The following KIF13A variants were observed in gnomAD, a reference collection of about 807,000 sequenced individuals.
KIF13A encodes the protein kinesin-like protein KIF13A.
In KIF13A, 79 loss-of-function variants were observed where a neutral mutation model predicts 212.2. The ratio of observed to expected loss-of-function variants is 0.37; its 90% CI spans 0.31 to 0.45. The LOEUF is 0.45. KIF13A is among the 20% of genes least tolerant of loss of function. The pLI is 1.00. For missense variants in KIF13A, 1,901 were observed against 2,209.0 expected (o/e 0.86, Z 2.79); for synonymous variants, 789 against 808.6 (o/e 0.98, Z 0.41).
chr6:17,809,029 C>T lies in KIF13A; in HGVS notation c.2001-99G>A, dbSNP rs183756300. 1.9e-3 allele frequency: 2,171 copies of T among 1,120,024 alleles called. 6 individuals carry two copies. Among genetic ancestry groups the T allele is most frequent in the Non-Finnish European group, 2.0e-3 (1,661 of 812,640 alleles). 69.4% of individuals were successfully genotyped at this position (1,120,024 alleles called of 1,614,324 possible). On this transcript the variant is annotated intron_variant, in intron 17 of 38. Coordinates refer to ENST00000259711, the MANE Select transcript of KIF13A (RefSeq NM_022113.6). The surrounding 1 kb of genome is among the most constrained non-coding windows in gnomAD (Gnocchi z 4.7). ...TTAGAAAATGGGAGAAAACTCCTCT[C>T]GGGCAGTATTTTTCAAACTATTTTA...
chr6:17,935,517 T>C (rs963649819), intron 2 of KIF13A, among the ~76,000 whole-genome samples: 2 of 152,328 alleles, frequency 1.3e-5, no homozygotes, highest in East Asian at 1.9e-4. Flanking sequence ...ACTATTTTTC[T>C]ACAAGCAACC....
At chr6:17,954,169 C>T (rs1471620196) in intron 2 of KIF13A, among the ~76,000 whole-genome samples, 3 of 151,682 alleles carry the variant, frequency 2.0e-5, no homozygotes, top group Admixed American at 6.6e-5. Context: ...GGTGTGGTGG[C>T]GGGCACCTGT....
At chr6:17,960,782 T>C (rs532843248) in intron 2 of KIF13A, among the ~76,000 whole-genome samples, 1 of 152,306 alleles carries the variant, frequency 6.6e-6, no homozygotes, top group Non-Finnish European at 1.5e-5. Flanking sequence ...GTGTCTATCA[T>C]ATAGTAGTGC....
intron 4 of KIF13A, among the ~76,000 whole-genome samples, chr6:17,857,109 A>T (rs889357806): frequency 6.6e-6 from 1 of 151,360 alleles, no homozygotes; most frequent in Non-Finnish European, 1.5e-5. Flanking sequence ...AATGTAACAC[A>T]ACATGAGCTT....
At chr6:17,908,710 C>T (rs1482577420) in intron 2 of KIF13A, among the ~76,000 whole-genome samples, 3 of 151,418 alleles carry the variant, frequency 2.0e-5, no homozygotes, top group African/African-American at 7.3e-5. Flanking sequence ...TAAAAAATTA[C>T]CAGTTAATCT....
chr6:17,918,733 C>T lies in KIF13A; in HGVS notation c.147-20553G>A, dbSNP rs149389415. 2.6e-5 allele frequency among the ~76,000 whole-genome samples: 4 copies of T among 152,284 alleles called. 1 individual carries two copies. In the East Asian group the frequency reaches 7.7e-4, roughly 29 times the overall value. Reference sequence around the variant, plus strand: ...GGAAAGCCCTCTCCAGGGCTTGCTCCTCAGAGGAGTGTTCCCCGTACTCCC... The same window carrying T: ...GGAAAGCCCTCTCCAGGGCTTGCTCTTCAGAGGAGTGTTCCCCGTACTCCC... On this transcript the variant is annotated intron_variant, in intron 2 of 38. Transcript: ENST00000259711. The surrounding 1 kb of genome is among the most constrained non-coding windows in gnomAD (Gnocchi z 4.8).
intron 31 of KIF13A, 39 bp from the exon 32 acceptor site, chr6:17,779,723 C>T: frequency 1.3e-6 from 1 of 779,818 alleles, no homozygotes; most frequent in South Asian, 1.5e-5. Context: ...AGCTATGTGA[C>T]AAATGTAAGT....
Position 17,825,231 on chromosome 6 carries a change from G to GTA in KIF13A, c.1786+535_1786+536dup, listed in dbSNP as rs1229333417. ...CACGGACTTTTAGATGTGAAACTTG[G>GTA]TATAAGTCAAATAAAGAGGCTATAA... On this transcript the variant is annotated intron_variant, in intron 16 of 38. Transcript: ENST00000259711. The surrounding 1 kb of genome is among the most constrained non-coding windows in gnomAD (Gnocchi z 4.5). 1.1e-4 allele frequency among the ~76,000 whole-genome samples: 17 copies of GTA among 152,158 alleles called. No homozygotes were observed. Among genetic ancestry groups the GTA allele is most frequent in the African/African-American group, 4.1e-4 (17 of 41,440 alleles).
At chr6:17,940,497 A>C (rs561717644) in intron 2 of KIF13A, among the ~76,000 whole-genome samples, 11 of 152,346 alleles carry the variant, frequency 7.2e-5, no homozygotes, top group African/African-American at 2.6e-4. Flanking sequence ...GGGGTCAAAA[A>C]TCAACCACAG....
rs772113012 is a variant in KIF13A, at chr6:17,837,597, A to G, written c.831-14T>C. ...GTTGTAAGCGATCTGTCAAGAAAAA[A>G]TGAAAAATTAGTTTTATGGAATGTT... On this transcript the variant is annotated splice_polypyrimidine_tract_variant and intron_variant, in intron 9 of 38. Coordinates refer to ENST00000259711, the MANE Select transcript of KIF13A (RefSeq NM_022113.6). This position sits in a 1 kb window ranked among gnomAD's most constrained non-coding sequence, Gnocchi z 5.4. 10 of 1,516,816 alleles carry G rather than the reference A, an allele frequency of 6.6e-6. No individual in the cohort carries two copies. The highest frequency in any genetic ancestry group is 5.6e-5 in the Admixed American group (3 of 53,638). The allele number at this position is 1,516,816 out of a possible 1,614,324, so 94.0% of individuals were successfully genotyped here. A position where few individuals can be genotyped will look rare whatever the true frequency, so the allele number is the denominator to read the frequency against.
Position 17,987,221 on chromosome 6 carries a change from GCGGGGCT to G in KIF13A, c.56-84_56-78del. 1 of 1,292,034 alleles carries G rather than the reference GCGGGGCT, an allele frequency of 7.7e-7. No homozygotes were observed. The highest frequency in any genetic ancestry group is 1.1e-6 in the Non-Finnish European group (1 of 931,562). 80.0% of individuals were successfully genotyped at this position (1,292,034 alleles called of 1,614,324 possible). A position where few individuals can be genotyped will look rare whatever the true frequency, so the allele number is the denominator to read the frequency against. Reference sequence around the variant, plus strand: ...CCCGCCCGCCCGCCAGCCGCGCCGAGCGGGGCTCCGTCCCTGGAGGCGGCCGAGCCTG... The same window carrying G: ...CCCGCCCGCCCGCCAGCCGCGCCGAGCCGTCCCTGGAGGCGGCCGAGCCTG... On this transcript the variant is annotated intron_variant, in intron 1 of 38. Transcript: ENST00000259711. This position sits in a 1 kb window ranked among gnomAD's most constrained non-coding sequence, Gnocchi z 7.7.
intron 3 of KIF13A, among the ~76,000 whole-genome samples, chr6:17,889,056 C>A (rs1771802109): frequency 6.6e-6 from 1 of 152,126 alleles, no homozygotes; most frequent in Non-Finnish European, 1.5e-5. Flanking sequence ...GAACTCACCT[C>A]ATTGAGGCCA....
chr6:17,819,148 C>T (rs371432672), intron 16 of KIF13A, among the ~76,000 whole-genome samples: 1 of 151,854 alleles, frequency 6.6e-6, no homozygotes, highest in African/African-American at 2.4e-5. Context: ...TACAGGTGCC[C>T]ACCACCACGC....
chr6:17,886,448 G>A lies in KIF13A; in HGVS notation c.159+11720C>T, dbSNP rs532621168. ...GAGTTCACACTGCTGCGGCTGACTC[G>A]GGCCAAGTGGGAGCCAAGAGACTCC... is the stretch of plus-strand genomic sequence containing the variant. On this transcript the variant is annotated intron_variant, in intron 3 of 38. Coordinates refer to ENST00000259711, the MANE Select transcript of KIF13A (RefSeq NM_022113.6). The surrounding 1 kb of genome is among the most constrained non-coding windows in gnomAD (Gnocchi z 5.6). 2.6e-5 allele frequency among the ~76,000 whole-genome samples: 4 copies of A among 152,304 alleles called. No homozygotes were observed. Among genetic ancestry groups the A allele is most frequent in the African/African-American group, 9.6e-5 (4 of 41,568 alleles).
rs534596564 is a variant in KIF13A, at chr6:17,771,956, C to G, written c.4428G>C (p.Glu1476Asp). Residue 1476 changes from glutamate (E) to aspartate (D), a missense_variant, in exon 37 of 39, where the codon GAG becomes GAC. By Grantham distance (45) the Glu-to-Asp change is conservative (BLOSUM62 2). Around this residue, in one of 5 missense-constraint regions of KIF13A, gnomAD observed 687 missense variants for 759.1 expected, o/e 0.90. Transcript: ENST00000259711. This position sits in a 1 kb window ranked among gnomAD's most constrained non-coding sequence, Gnocchi z 5.4. ...FFKPLMPVKE[E>D]HKKRIALEAR... Reference sequence around the variant, plus strand: ...CTTCCAGGGCTATCCTTTTCTTATGCTCCTCTTTTACAGGCATTAGGGGCT... The same window carrying G: ...CTTCCAGGGCTATCCTTTTCTTATGGTCCTCTTTTACAGGCATTAGGGGCT... 2 of 1,614,014 alleles carry G rather than the reference C, an allele frequency of 1.2e-6. No homozygotes were observed. The highest frequency in any genetic ancestry group is 2.2e-5 in the East Asian group (1 of 44,882).
intron 3 of KIF13A, among the ~76,000 whole-genome samples, chr6:17,884,633 C>A (rs559260828): frequency 6.6e-6 from 1 of 152,320 alleles, no homozygotes; most frequent in South Asian, 2.1e-4. Context: ...TACTTCCTAG[C>A]GCCCAAATCT....
chr6:17,915,861 C>T lies in KIF13A; in HGVS notation c.147-17681G>A, dbSNP rs1172311051. On this transcript the variant is annotated intron_variant, in intron 2 of 38. Transcript: ENST00000259711. The surrounding 1 kb of genome is among the most constrained non-coding windows in gnomAD (Gnocchi z 4.4). Reference sequence around the variant, plus strand: ...CCTATAGTCCCAGCTACCCAAGAGGCTGAGGTGGTAGGATCATTGCAGTAA... The same window carrying T: ...CCTATAGTCCCAGCTACCCAAGAGGTTGAGGTGGTAGGATCATTGCAGTAA... 2.6e-5 allele frequency among the ~76,000 whole-genome samples: 4 copies of T among 151,304 alleles called. No individual in the cohort carries two copies. Among genetic ancestry groups the T allele is most frequent in the Non-Finnish European group, 5.9e-5 (4 of 67,888 alleles).
At chr6:17,860,300 T>C (rs1768620826) in intron 4 of KIF13A, among the ~76,000 whole-genome samples, 1 of 152,114 alleles carries the variant, frequency 6.6e-6, no homozygotes, top group African/African-American at 2.4e-5. Flanking sequence ...GCGATTCTCC[T>C]GCCTCAGCCT....
chr6:17,904,216 C>T (rs1042519079), intron 2 of KIF13A, among the ~76,000 whole-genome samples: 4 of 151,252 alleles, frequency 2.6e-5, no homozygotes, highest in Non-Finnish European at 5.9e-5. Context: ...GCCTGTAATC[C>T]CAGCACTTTG....
Sources: allele counts gnomAD v4.1 joint callset (sites outside exome capture counted in the v4.1 genomes callset), GRCh38; gene constraint gnomAD v4.1.1; regional missense constraint gnomAD v4.1.1; non-coding constraint Gnocchi (gnomAD v3.1); transcripts MANE v1.5; gene names NCBI Gene and HGNC (gene_info 2026-07-23, HGNC 2026-07-21).